The following IFT81 variants were observed in gnomAD, a reference collection of about 807,000 sequenced individuals.
The protein encoded by IFT81 is intraflagellar transport 81.
In IFT81, 72 loss-of-function variants were observed where a neutral mutation model predicts 102.6. That is an observed-to-expected ratio of 0.70 (90% CI 0.58 to 0.85). IFT81 has a LOEUF of 0.85. Ranked by LOEUF, IFT81 falls within the 40% of genes least tolerant of loss-of-function variation. The probability of loss-of-function intolerance (pLI) is 0.00; values close to 1 mark genes in which losing one functional copy is unlikely to be tolerated. For missense variants in IFT81, 723 were observed against 787.3 expected (o/e 0.92, Z 0.98); for synonymous variants, 237 against 242.7 (o/e 0.98, Z 0.22).
In IFT81 at chr12:110,175,061, T is replaced by C. The variant is rs7972412; in HGVS notation, c.1189-5361T>C. 3.1e-3 allele frequency among the ~76,000 whole-genome samples: 471 copies of C among 152,348 alleles called. 3 individuals are homozygous for C. The highest frequency in any genetic ancestry group is 0.011 in the African/African-American group (451 of 41,570). ...GACTAATTTAGATTACAAATGTATA[T>C]GGGTACAAATGATTAGTAATAGCTG... On this transcript the variant is annotated intron_variant, in intron 11 of 18. Coordinates refer to ENST00000242591, the MANE Select transcript of IFT81 (RefSeq NM_014055.4).
chr12:110,179,683 T>C (rs1467986001), intron 11 of IFT81, among the ~76,000 whole-genome samples: 1 of 138,662 alleles, frequency 7.2e-6, no homozygotes, highest in Non-Finnish European at 1.5e-5. Flanking sequence ...ATCACACCAC[T>C]GCACTCCAGC....
At chr12:110,184,276 G>A (rs537069870) in intron 12 of IFT81, among the ~76,000 whole-genome samples, 23 of 152,180 alleles carry the variant, frequency 1.5e-4, no homozygotes, top group East Asian at 5.8e-4. Context: ...CGTGAACCCC[G>A]GAGGCAGAGC....
chr12:110,130,746 T>C lies in IFT81; in HGVS notation c.429+1616T>C, dbSNP rs528907776. Among the ~76,000 whole-genome samples, 6 of 152,108 alleles carry C rather than the reference T, an allele frequency of 3.9e-5. No homozygotes were observed. The South Asian group carries it at 1.2e-3, about 32-fold the overall frequency. On this transcript the variant is annotated intron_variant, in intron 4 of 18. Transcript: ENST00000242591. ...TAAAGACATACTTGTTCTTGAAGCA[T>C]ATCTGACAGGTATCTCTCTCTATAT...
intron 10 of IFT81, among the ~76,000 whole-genome samples, chr12:110,152,506 G>A (rs7954365): frequency 6.6e-4 from 100 of 152,012 alleles, no homozygotes; most frequent in African/African-American, 2.3e-3. Flanking sequence ...CTGTTTTTTT[G>A]ATATTGAGTT....
At chr12:110,177,743 A>T (rs994167263) in intron 11 of IFT81, among the ~76,000 whole-genome samples, 3 of 152,220 alleles carry the variant, frequency 2.0e-5, no homozygotes, top group African/African-American at 7.2e-5. Flanking sequence ...GAGATGGTGT[A>T]CTTTCTATTT....
At chr12:110,207,554 GTC>G (rs1868807106) in intron 17 of IFT81, among the ~76,000 whole-genome samples, 1 of 138,946 alleles carries the variant, frequency 7.2e-6, no homozygotes, top group African/African-American at 2.6e-5. Context: ...TCGTCCTTCA[GTC>G]TTTTTTTTTT....
intron 12 of IFT81, among the ~76,000 whole-genome samples, chr12:110,180,974 C>G (rs188908434): frequency 6.6e-6 from 1 of 152,276 alleles, no homozygotes; most frequent in Admixed American, 6.5e-5. Flanking sequence ...GGAAGTCTGC[C>G]TCCAGGCTTA....
chr12:110,148,369 G>A (rs1895339386), intron 10 of IFT81, among the ~76,000 whole-genome samples: 1 of 151,414 alleles, frequency 6.6e-6, no homozygotes. Context: ...GATAATGCTC[G>A]GTTGTCTGAG....
intron 14 of IFT81, among the ~76,000 whole-genome samples, chr12:110,197,437 T>C (rs2137564371): frequency 6.7e-6 from 1 of 149,844 alleles, no homozygotes; most frequent in Admixed American, 6.6e-5. Context: ...TACTGTGTTT[T>C]CTCTTTGCTT....
rs529246585 is a variant in IFT81, at chr12:110,210,950, C to T, written c.1848+1734C>T. On this transcript the variant is annotated intron_variant, in intron 18 of 18. Transcript: ENST00000242591. ...GCTCACTGCAGCCTTGGCCTCCCCACGCTCAAGCGATCCTCCCACCTCAGC... is the reference window on the plus strand; with the variant it reads ...GCTCACTGCAGCCTTGGCCTCCCCATGCTCAAGCGATCCTCCCACCTCAGC... Among the ~76,000 whole-genome samples, 18 of 149,504 alleles carry T rather than the reference C, an allele frequency of 1.2e-4. No individual in the cohort carries two copies. The East Asian group carries it at 2.3e-3, about 19-fold the overall frequency.
chr12:110,137,989 C>T (rs949190177), intron 8 of IFT81, among the ~76,000 whole-genome samples: 1 of 152,240 alleles, frequency 6.6e-6, no homozygotes, highest in African/African-American at 2.4e-5. Flanking sequence ...GCCCAGATTA[C>T]ACCACCAGAT....
At chr12:110,209,550 G>C (rs1171201235) in intron 18 of IFT81, among the ~76,000 whole-genome samples, 2 of 152,038 alleles carry the variant, frequency 1.3e-5, no homozygotes, top group Admixed American at 1.3e-4. Context: ...CAGTGGATCA[G>C]TTGAGGTCAG....
intron 11 of IFT81, among the ~76,000 whole-genome samples, chr12:110,172,519 TGC>T (rs1361715461): frequency 2.0e-5 from 3 of 152,194 alleles, no homozygotes; most frequent in African/African-American, 7.2e-5. Flanking sequence ...GCCGAGTGCC[TGC>T]AATTGCAGGC....
intron 11 of IFT81, among the ~76,000 whole-genome samples, chr12:110,169,644 C>T (rs997794246): frequency 6.6e-6 from 1 of 152,104 alleles, no homozygotes; most frequent in Non-Finnish European, 1.5e-5. Flanking sequence ...CCCACTGCAA[C>T]CTCCGCCTCC....
chr12:110,128,393 A>G (rs888293312), intron 3 of IFT81, among the ~76,000 whole-genome samples: 6 of 149,504 alleles, frequency 4.0e-5, no homozygotes, highest in Non-Finnish European at 7.4e-5. Flanking sequence ...TTTATCTGCC[A>G]TCCTAGATAA....
intron 14 of IFT81, among the ~76,000 whole-genome samples, chr12:110,197,797 C>T (rs551419177): frequency 6.6e-6 from 1 of 152,192 alleles, no homozygotes; most frequent in South Asian, 2.1e-4. Context: ...ACCGCAACTT[C>T]CGCCTCCTGG....
chr12:110,144,711 A>AT (rs142137585), intron 9 of IFT81, among the ~76,000 whole-genome samples: 35,144 of 148,494 alleles, frequency 0.24, 5,546 homozygotes, highest in East Asian at 0.67. Flanking sequence ...GGGTTTTGCC[A>AT]TTTGTCCAGG....
chr12:110,159,154 C>G (rs971675225), intron 10 of IFT81, among the ~76,000 whole-genome samples: 1 of 151,930 alleles, frequency 6.6e-6, no homozygotes, highest in Admixed American at 6.6e-5. Context: ...GTAGACTGCA[C>G]CAAAGGATAG....
chr12:110,163,150 T>G (rs907780577), intron 11 of IFT81, 85 bp downstream of exon 11: 3 of 988,500 alleles, frequency 3.0e-6, no homozygotes, highest in Admixed American at 2.5e-5. Flanking sequence ...TTAGTGTGAA[T>G]GTTAATATTG....
Sources: allele counts gnomAD v4.1 joint callset (sites outside exome capture counted in the v4.1 genomes callset), GRCh38; gene constraint gnomAD v4.1.1; transcripts MANE v1.5; gene names NCBI Gene and HGNC (gene_info 2026-07-23, HGNC 2026-07-21).